Variants in AKAP8 observed in about 807,000 individuals in gnomAD.
The protein encoded by AKAP8 is A-kinase anchor protein 8.
In AKAP8, 24 loss-of-function variants were observed where a neutral mutation model predicts 67.5. That is an observed-to-expected ratio of 0.36 (90% CI 0.26 to 0.50). AKAP8 has a LOEUF of 0.50. Among genes scored for constraint, AKAP8 ranks in the 20% least tolerant of loss-of-function variants. AKAP8 has a pLI of 0.97. For missense variants in AKAP8, 971 were observed against 955.9 expected, an observed-to-expected ratio of 1.02 and a Z score of -0.21; for synonymous variants, 400 against 371.1, an observed-to-expected ratio of 1.08 and a Z score of -0.90.
rs57295859 is a variant in AKAP8, at chr19:15,379,674, C to A, written c.19+39G>T. On this transcript the variant is annotated intron_variant, in intron 1 of 13. Transcript: ENST00000269701. ...CAGCGGCTGCGTCGCCCGCACAGAG[C>A]CTTCCCTCCCCGCTCCGCACCCAGC... 6.3e-6 allele frequency: 10 copies of A among 1,599,018 alleles called. No individual in the cohort carries two copies. In the African/African-American group the frequency reaches 1.2e-4, roughly 20 times the overall value.
In AKAP8 at chr19:15,371,967, A is replaced by C; in HGVS notation, c.1023T>G (p.Asp341Glu). Reference protein sequence around the residue: ...DDAAGDFRSGDEEFKGEDELC... With the variant: ...DDAAGDFRSGEEEFKGEDELC... ...GTGGACTTACACCCTTGAATTCTTC[A>C]TCTCCTGAGCGGAAGTCACCAGCTG... Residue 341 changes from aspartate to glutamate, a missense_variant, in exon 7 of 14, where the codon GAT (aspartate) becomes GAG (glutamate). This residue lies in a region of AKAP8 where 763 missense variants were observed against 745.4 expected (regional missense o/e 1.02). Coordinates refer to ENST00000269701, the MANE Select transcript of AKAP8 (RefSeq NM_005858.4). 1 of 1,614,104 alleles carries C rather than the reference A, an allele frequency of 6.2e-7. No individual in the cohort carries two copies. The highest frequency in any genetic ancestry group is 1.1e-5 in the South Asian group (1 of 91,062).
In AKAP8 at chr19:15,369,205, T is replaced by G; in HGVS notation, c.1073-883A>C. Reference sequence around the variant, plus strand: ...TGACTGCTGTTTAATAGCAAAGTCATCCCGGGTAGGTAGCAGGACCTGCGC... The same window carrying G: ...TGACTGCTGTTTAATAGCAAAGTCAGCCCGGGTAGGTAGCAGGACCTGCGC... On this transcript the variant is annotated intron_variant, in intron 8 of 13. Transcript: ENST00000269701. This position sits in a 1 kb window ranked among gnomAD's most constrained non-coding sequence, Gnocchi z 4.6. The G allele has an allele frequency of 1.0e-6, 1 of 985,486 alleles. No homozygotes were observed. The highest frequency in any genetic ancestry group is 1.2e-6 in the Non-Finnish European group (1 of 829,966). 61.0% of individuals were successfully genotyped at this position (985,486 alleles called of 1,614,324 possible). A position where few individuals can be genotyped will look rare whatever the true frequency, so the allele number is the denominator to read the frequency against.
In AKAP8 at chr19:15,376,991, G is replaced by T. The variant is rs1349016263; in HGVS notation, c.43C>A (p.Pro15Thr). The stretch of plus-strand genomic sequence containing the variant: ...GCCCACTTACCCTGGGTGTTGGCAG[G>T]TCCAGCACTCCACGCCCCGTAGCCT... Reference protein sequence around the residue: ...YGGYGAWSAGPANTQGAYGTG... With the variant: ...YGGYGAWSAGTANTQGAYGTG... Residue 15 changes from proline to threonine, a missense_variant, in exon 2 of 14, where the codon CCT becomes ACT. Physicochemically the swap from Pro to Thr is conservative, Grantham distance 38. Transcript: ENST00000269701. 1.2e-6 allele frequency: 2 copies of T among 1,613,092 alleles called. No individual in the cohort carries two copies. The highest frequency in any genetic ancestry group is 8.5e-7 in the Non-Finnish European group (1 of 1,179,700).
chr19:15,361,926 G>C, intron 10 of AKAP8, 104 bp from the exon 11 acceptor site: 4 of 1,348,840 alleles, frequency 3.0e-6, no homozygotes, highest in Non-Finnish European at 4.1e-6. Flanking sequence ...CAGCTGCGTG[G>C]GGCAGCACAG....
At position 15,354,577 on chromosome 19, in the gene AKAP8, A is replaced by T. The variant is rs1371137431; in HGVS notation, c.*338T>A. ...AAAAAAAAAAATTAAGGAAAAAAAT[A>T]AAAAAGGAAGCATTCCATCAGTGGC... is the stretch of plus-strand genomic sequence containing the variant. On this transcript the variant is annotated 3_prime_UTR_variant, in exon 14 of 14. Transcript: ENST00000269701. The T allele has an allele frequency of 3.8e-6, 1 of 265,608 alleles. No individual in the cohort carries two copies. Among genetic ancestry groups the T allele is most frequent in the Non-Finnish European group, 7.1e-6 (1 of 139,896 alleles). The allele number at this position is 265,608 out of a possible 1,614,324, so 16.5% of individuals were successfully genotyped here.
At chr19:15,356,480 T>C (rs1309462138) in intron 13 of AKAP8, among the ~76,000 whole-genome samples, 3 of 151,458 alleles carry the variant, frequency 2.0e-5, no homozygotes, top group Admixed American at 2.0e-4. Flanking sequence ...TATTTTAGTT[T>C]CATTAAGGTA....
intron 13 of AKAP8, 85 bp downstream of exon 13, chr19:15,358,882 T>C: frequency 8.1e-7 from 1 of 1,230,900 alleles, no homozygotes; most frequent in Non-Finnish European, 1.2e-6. Context: ...TGCTAAATGC[T>C]GCACTCTGGA....
chr19:15,362,072 G>A (rs1342072064), intron 10 of AKAP8, 38 bp downstream of exon 10: 1 of 1,610,478 alleles, frequency 6.2e-7, no homozygotes, highest in African/African-American at 1.3e-5. Flanking sequence ...CTGCGGGATG[G>A]GCAAGAGACG....
Position 15,361,732 on chromosome 19 carries a change from T to G in AKAP8, c.1393A>C (p.Lys465Gln). 1 of 1,611,348 alleles carries G rather than the reference T, an allele frequency of 6.2e-7. No homozygotes were observed. Among genetic ancestry groups the G allele is most frequent in the Non-Finnish European group, 8.5e-7 (1 of 1,177,412 alleles). Reference protein sequence around the residue: ...ETAKPKPDPFKGIGQEHFFKK... With the variant: ...ETAKPKPDPFQGIGQEHFFKK... ...TCATCCTGGGATGACAACTCACCTT[T>G]GAAAGGATCTGGTTTTGGTTTTGCG... The change falls in exon 11 of 14, where the codon AAA becomes CAA. Residue 465 changes from lysine to glutamine, a missense_variant. By Grantham distance (53) the Lys-to-Gln change is moderately conservative. Transcript: ENST00000269701.
chr19:15,359,797 G>C (rs1041132375), intron 12 of AKAP8, among the ~76,000 whole-genome samples: 3 of 152,132 alleles, frequency 2.0e-5, no homozygotes, highest in Non-Finnish European at 4.4e-5. Flanking sequence ...TGACTTGTTT[G>C]CACAATGGTC....
At chr19:15,359,549 G>A (rs10417102) in intron 12 of AKAP8, among the ~76,000 whole-genome samples, 32,423 of 151,704 alleles carry the variant, frequency 0.21, 4,025 homozygotes, top group African/African-American at 0.34. Flanking sequence ...GTGAAACCCT[G>A]TCTACAAAAT....
Position 15,354,981 on chromosome 19 carries a change from T to C in AKAP8, c.2013A>G (p.Pro671=). Residue 671 remains proline (P), a synonymous_variant, in exon 14 of 14, where the codon CCA becomes CCG. Coordinates refer to ENST00000269701, the MANE Select transcript of AKAP8 (RefSeq NM_005858.4). ...ESAQTRVAPA[P]AAADAEVEQT... is the part of the protein sequence containing the mutation. ...GTTCCACTTCAGCATCCGCGGCAGC[T>C]GGGGCAGGAGCAACTCTGGTTTGGG... 5 of 1,614,176 alleles carry C rather than the reference T, an allele frequency of 3.1e-6. No individual in the cohort carries two copies. Among genetic ancestry groups the C allele is most frequent in the Non-Finnish European group, 4.2e-6 (5 of 1,180,040 alleles).
intron 13 of AKAP8, 44 bp downstream of exon 13, chr19:15,358,923 C>G (rs1343562083): frequency 1.3e-6 from 2 of 1,573,988 alleles, no homozygotes; most frequent in Non-Finnish European, 1.7e-6. Context: ...GTTCATCTTC[C>G]CTTTTGAAAG....
At position 15,369,255 on chromosome 19, in the gene AKAP8, T is replaced by TAGCA. The variant is rs1204505770; in HGVS notation, c.1072+887_1072+890dup. ...CGCAACAGACATGTCACCTTTGCTT[T>TAGCA]AGCATTGTGCCGCTAAGCGCTCGGG... On this transcript the variant is annotated intron_variant, in intron 8 of 13. Coordinates refer to ENST00000269701, the MANE Select transcript of AKAP8 (RefSeq NM_005858.4). The surrounding 1 kb of genome is among the most constrained non-coding windows in gnomAD (Gnocchi z 4.6). 1.0e-6 allele frequency: 1 copy of TAGCA among 985,408 alleles called. No homozygotes were observed. Among genetic ancestry groups the TAGCA allele is most frequent in the East Asian group, 1.1e-4 (1 of 8,818 alleles). The allele number at this position is 985,408 out of a possible 1,614,324, so 61.0% of individuals were successfully genotyped here. A position where few individuals can be genotyped will look rare whatever the true frequency, so the allele number is the denominator to read the frequency against.
Position 15,372,218 on chromosome 19 carries a change from C to T in AKAP8, c.991G>A (p.Asp331Asn). ...VDSEGDFSEN[D>N]DAAGDFRSGD... Reference sequence around the variant, plus strand: ...GGCCCACCTGGCCCCCAGGACATACCATTTTCGGAGAAATCTCCTTCACTG... The same window carrying T: ...GGCCCACCTGGCCCCCAGGACATACTATTTTCGGAGAAATCTCCTTCACTG... The change falls in exon 6 of 14, where the codon GAT becomes AAT. Residue 331 changes from aspartate (D) to asparagine (N), a missense_variant and splice_region_variant. By Grantham distance (23) the Asp-to-Asn change is conservative. Transcript: ENST00000269701. The T allele has an allele frequency of 6.2e-7, 1 of 1,614,186 alleles. No individual in the cohort carries two copies. The highest frequency in any genetic ancestry group is 8.5e-7 in the Non-Finnish European group (1 of 1,180,028).
Position 15,372,998 on chromosome 19 carries a change from G to C in AKAP8, c.714C>G (p.Pro238=), listed in dbSNP as rs376159403. ...GGGACGGAGGTGGCCGGCTGGGGGA[G>C]GGCCCTCCCAGGCCCCGTCCACCCA... ...NYVGGRGLGG[P]SPSRPPPSLF... The change falls in exon 5 of 14, where the codon CCC becomes CCG. Residue 238 remains proline (P), a synonymous_variant. Transcript: ENST00000269701. 27 of 1,567,674 alleles carry C rather than the reference G, an allele frequency of 1.7e-5. No homozygotes were observed. Among genetic ancestry groups the C allele is most frequent in the African/African-American group, 1.1e-4 (8 of 73,716 alleles).
At chr19:15,377,113 A>C in intron 1 of AKAP8, 99 bp from the exon 2 acceptor site, 2 of 1,389,688 alleles carry the variant, frequency 1.4e-6, no homozygotes, top group Non-Finnish European at 2.0e-6. Flanking sequence ...GTTCAGTGCC[A>C]GCCTTAGAAG....
At chr19:15,363,769 A>G (rs574680232) in intron 9 of AKAP8, among the ~76,000 whole-genome samples, 54 of 152,348 alleles carry the variant, frequency 3.5e-4, no homozygotes, top group Non-Finnish European at 6.2e-4. Flanking sequence ...GTGTCTGTGT[A>G]GAAAGAGGTA....
Position 15,374,393 on chromosome 19 carries a change from G to A in AKAP8, c.91+210C>T, listed in dbSNP as rs1967216410. On this transcript the variant is annotated intron_variant, in intron 3 of 13. Transcript: ENST00000269701. Reference sequence around the variant, plus strand: ...AAAGGACCGCTGCTCCCAAAGCACGGTCGCAGTCCTCCCCATCATGCTCCC... The same window carrying A: ...AAAGGACCGCTGCTCCCAAAGCACGATCGCAGTCCTCCCCATCATGCTCCC... 2.6e-5 allele frequency among the ~76,000 whole-genome samples: 4 copies of A among 152,202 alleles called. No individual in the cohort carries two copies. The South Asian group carries it at 8.3e-4, about 31-fold the overall frequency.
Sources: allele counts gnomAD v4.1 joint callset (sites outside exome capture counted in the v4.1 genomes callset), GRCh38; gene constraint gnomAD v4.1.1; regional missense constraint gnomAD v4.1.1; non-coding constraint Gnocchi (gnomAD v3.1); transcripts MANE v1.5; gene names NCBI Gene and HGNC (gene_info 2026-07-23, HGNC 2026-07-21).